Variants in NCALD observed in about 807,000 individuals in gnomAD.
NCALD encodes neurocalcin delta.
NCALD carries 10 observed loss-of-function variants against 18.6 expected under a neutral mutation model. The ratio of observed to expected loss-of-function variants is 0.54; its 90% CI spans 0.33 to 0.91. The LOEUF (loss-of-function observed/expected upper bound fraction) is 0.91, where lower values mean the gene tolerates loss of function less well. Among genes scored for constraint, NCALD ranks in the 40% least tolerant of loss-of-function variants. The pLI is 0.03. For missense variants in NCALD, 184 were observed against 247.6 expected, an observed-to-expected ratio of 0.74 and a Z score of 1.72; for synonymous variants, 88 against 87.4, an observed-to-expected ratio of 1.01 and a Z score of -0.04.
chr8:102,016,548 A>C (rs1822090312), intron 2 of NCALD, among the ~76,000 whole-genome samples: 1 of 152,204 alleles, frequency 6.6e-6, no homozygotes, highest in Non-Finnish European at 1.5e-5. Context: ...TGGCATGCCA[A>C]GCATAAGGTC....
intron 1 of NCALD, among the ~76,000 whole-genome samples, chr8:101,722,476 A>G (rs933226565): frequency 6.6e-6 from 1 of 152,210 alleles, no homozygotes; most frequent in Non-Finnish European, 1.5e-5. Flanking sequence ...TCTTTAGAAT[A>G]TATCTCTTTG....
intron 2 of NCALD, among the ~76,000 whole-genome samples, chr8:101,978,027 T>C (rs1215605717): frequency 6.6e-6 from 1 of 151,828 alleles, no homozygotes; most frequent in African/African-American, 2.4e-5. Flanking sequence ...ACAAGCCCCT[T>C]GTCCCCTCTC....
At chr8:101,715,130 T>C (rs1816014211) in intron 2 of NCALD, among the ~76,000 whole-genome samples, 1 of 151,734 alleles carries the variant, frequency 6.6e-6, no homozygotes, top group Non-Finnish European at 1.5e-5. Flanking sequence ...CCAAAACAGA[T>C]ATATAGACCA....
At chr8:102,066,228 T>A (rs1824004284) in intron 1 of NCALD, among the ~76,000 whole-genome samples, 1 of 152,188 alleles carries the variant, frequency 6.6e-6, no homozygotes, top group Non-Finnish European at 1.5e-5. Context: ...TAGAAATAAT[T>A]TTTGTCCCCA....
At chr8:101,937,785 C>A (rs142475320) in intron 2 of NCALD, among the ~76,000 whole-genome samples, 1 of 152,178 alleles carries the variant, frequency 6.6e-6, no homozygotes, top group African/African-American at 2.4e-5. Context: ...GGTTTCTGCC[C>A]TCATGGAGCT....
At chr8:101,986,562 C>T (rs955799154) in intron 2 of NCALD, 3 of 152,206 alleles carry the variant, frequency 2.0e-5, no homozygotes, top group African/African-American at 7.2e-5. Flanking sequence ...CAATCCCGCT[C>T]TCCATTTAAA....
intron 1 of NCALD, among the ~76,000 whole-genome samples, chr8:102,064,547 C>G (rs1823943714): frequency 6.6e-6 from 1 of 152,192 alleles, no homozygotes; most frequent in African/African-American, 2.4e-5. Flanking sequence ...ATCATTCACT[C>G]CCTTTCTCAG....
At chr8:101,767,783 C>T (rs999567906) in intron 1 of NCALD, among the ~76,000 whole-genome samples, 6 of 152,216 alleles carry the variant, frequency 3.9e-5, no homozygotes, top group Non-Finnish European at 8.8e-5. Flanking sequence ...TAGCTGTCAG[C>T]CTCATGGATT....
chr8:101,962,829 C>T (rs1299216905), intron 2 of NCALD, among the ~76,000 whole-genome samples: 1 of 152,084 alleles, frequency 6.6e-6, no homozygotes, highest in African/African-American at 2.4e-5. Flanking sequence ...TAATTGACCC[C>T]ATGGGGGTTT....
At chr8:101,719,864 C>T (rs1816269236) in intron 1 of NCALD, among the ~76,000 whole-genome samples, 1 of 152,084 alleles carries the variant, frequency 6.6e-6, no homozygotes, top group Non-Finnish European at 1.5e-5. Flanking sequence ...TTATCACTGA[C>T]CAGAAAATGA....
rs1039310531 is a variant in NCALD, at chr8:101,688,514, A to T, written c.*795T>A. 2.5e-5 allele frequency: 9 copies of T among 358,404 alleles called. No individual in the cohort carries two copies. The highest frequency in any genetic ancestry group is 1.5e-4 in the African/African-American group (7 of 47,062). 22.2% of individuals were successfully genotyped at this position (358,404 alleles called of 1,614,324 possible). On this transcript the variant is annotated 3_prime_UTR_variant, in exon 4 of 4. Coordinates refer to ENST00000220931, the MANE Select transcript of NCALD (RefSeq NM_032041.3). ...TTGTATTAGTGCTCACTAAACATGC[A>T]TTTCATTTAAACAAGGCAAAACACT...
intron 1 of NCALD, among the ~76,000 whole-genome samples, chr8:102,085,318 T>C (rs1824700576): frequency 6.6e-6 from 1 of 152,240 alleles, no homozygotes; most frequent in Non-Finnish European, 1.5e-5. Flanking sequence ...ACGTCTTATT[T>C]GTCCCACATC....
At chr8:101,991,835 C>T (rs958425076) in intron 2 of NCALD, among the ~76,000 whole-genome samples, 2 of 152,198 alleles carry the variant, frequency 1.3e-5, no homozygotes, top group African/African-American at 4.8e-5. Flanking sequence ...TTTCAGAAAA[C>T]CACTGACCAC....
chr8:101,906,037 T>C (rs1817600149), intron 3 of NCALD, among the ~76,000 whole-genome samples: 1 of 152,236 alleles, frequency 6.6e-6, no homozygotes, highest in Non-Finnish European at 1.5e-5. Context: ...AATGCAGTTT[T>C]TCACAAACTC....
chr8:102,084,745 A>G (rs1824678917), intron 1 of NCALD, among the ~76,000 whole-genome samples: 1 of 152,152 alleles, frequency 6.6e-6, no homozygotes, highest in Non-Finnish European at 1.5e-5. Context: ...GAACCCGCCC[A>G]ACTCCGGAGA....
At chr8:101,772,944 C>A (rs568757719) in intron 1 of NCALD, among the ~76,000 whole-genome samples, 1 of 152,208 alleles carries the variant, frequency 6.6e-6, no homozygotes, top group African/African-American at 2.4e-5. Flanking sequence ...TAGGAGTAGA[C>A]CCTAGTATAT....
At chr8:101,908,624 A>G (rs1462020842) in intron 3 of NCALD, among the ~76,000 whole-genome samples, 1 of 152,154 alleles carries the variant, frequency 6.6e-6, no homozygotes, top group Admixed American at 6.5e-5. Flanking sequence ...CTACCCTTTC[A>G]ATAATTCTAC....
At chr8:101,890,818 G>C (rs1816845810) in intron 3 of NCALD, among the ~76,000 whole-genome samples, 2 of 152,200 alleles carry the variant, frequency 1.3e-5, no homozygotes, top group Admixed American at 1.3e-4. Context: ...GACATCCAGA[G>C]AAACTCTTGC....
At position 101,934,487 on chromosome 8, in the gene NCALD, A is replaced by C. The variant is rs529133942; in HGVS notation, c.-156-18629T>G. On this transcript the variant is annotated intron_variant, in intron 2 of 6. Transcript: ENST00000311028. ...TGGAGGAGAGTAAGGGTTAAAGAAC[A>C]AGCAGAAGAAAAGAGACCCATAAAT... 3.3e-5 allele frequency among the ~76,000 whole-genome samples: 5 copies of C among 152,240 alleles called. No homozygotes were observed. The East Asian group carries it at 5.8e-4, about 18-fold the overall frequency.
Sources: gnomAD v4.1 joint callset for allele counts (sites outside exome capture counted in the v4.1 genomes callset) on GRCh38, gnomAD v4.1.1 for gene constraint, MANE v1.5 for transcripts, NCBI Gene and HGNC (gene_info 2026-07-23, HGNC 2026-07-21) for gene names.